The following TTC29 variants were observed in gnomAD, a reference collection of about 807,000 sequenced individuals.
The protein encoded by TTC29 is tetratricopeptide repeat domain 29, also known as tetratricopeptide repeat protein 29.
Under a neutral mutation model 58.1 loss-of-function variants are expected in TTC29, and 49 were observed. The ratio of observed to expected loss-of-function variants is 0.84; its 90% CI spans 0.67 to 1.07. TTC29 has a LOEUF of 1.07. Ranked by LOEUF, TTC29 falls within the 50% of genes least tolerant of loss-of-function variation. The pLI, the probability that TTC29 is intolerant of heterozygous loss-of-function variation, is 0.00. For missense variants in TTC29, 582 were observed against 555.6 expected (o/e 1.05, Z -0.48); for synonymous variants, 209 against 196.8 (o/e 1.06, Z -0.52).
At chr4:146,738,365 G>C (rs183549448) in intron 11 of TTC29, among the ~76,000 whole-genome samples, 13 of 152,156 alleles carry the variant, frequency 8.5e-5, no homozygotes, top group African/African-American at 2.9e-4. Flanking sequence ...GTATCTGAAG[G>C]GGGGAAGCTG....
At chr4:146,723,905 G>T (rs965717735) in intron 11 of TTC29, among the ~76,000 whole-genome samples, 2 of 152,084 alleles carry the variant, frequency 1.3e-5, no homozygotes, top group Non-Finnish European at 2.9e-5. Context: ...ATAAATTGTT[G>T]TACCAAAAGA....
At chr4:146,799,466 C>T (rs1451286500) in intron 11 of TTC29, among the ~76,000 whole-genome samples, 3 of 151,990 alleles carry the variant, frequency 2.0e-5, no homozygotes, top group African/African-American at 7.3e-5. Flanking sequence ...AGCCCAGGGA[C>T]CCACATTAAG....
At chr4:146,899,962 C>T (rs145502544) in intron 6 of TTC29, among the ~76,000 whole-genome samples, 42 of 152,324 alleles carry the variant, frequency 2.8e-4, no homozygotes, top group Admixed American at 1.2e-3. Flanking sequence ...GGCCTCCATT[C>T]GCTTGTCTGG....
In TTC29 at chr4:146,813,535, TTATTA is replaced by T. The variant is rs1379099115; in HGVS notation, c.1101+6585_1101+6589del. 5.9e-5 allele frequency among the ~76,000 whole-genome samples: 9 copies of T among 152,324 alleles called. No homozygotes were observed. The East Asian group carries it at 1.3e-3, about 23-fold the overall frequency. On this transcript the variant is annotated intron_variant, in intron 10 of 12. Coordinates refer to ENST00000325106, the MANE Select transcript of TTC29 (RefSeq NM_031956.4). ...AAAGGTAACTCCAATATTTTTCCAA[TTATTA>T]TAATTTTGGTCTTATAATATTTTTA...
chr4:146,908,126 T>C (rs1278994419), intron 5 of TTC29, among the ~76,000 whole-genome samples: 3 of 152,256 alleles, frequency 2.0e-5, no homozygotes, highest in Middle Eastern at 3.4e-3. Flanking sequence ...CATGGTACCA[T>C]TGGGTAACAA....
intron 4 of TTC29, among the ~76,000 whole-genome samples, chr4:146,935,805 A>G (rs1179518731): frequency 6.6e-6 from 1 of 152,206 alleles, no homozygotes; most frequent in Non-Finnish European, 1.5e-5. Flanking sequence ...TTGTTGATCA[A>G]TTTATCTTTT....
intron 4 of TTC29, among the ~76,000 whole-genome samples, chr4:146,913,655 G>C (rs1317770310): frequency 1.3e-5 from 2 of 152,138 alleles, no homozygotes; most frequent in African/African-American, 4.8e-5. Context: ...TTCTCTCGTA[G>C]TTCCTGCTAA....
chr4:146,772,903 G>A (rs1747838866), intron 11 of TTC29, among the ~76,000 whole-genome samples: 1 of 152,048 alleles, frequency 6.6e-6, no homozygotes, highest in African/African-American at 2.4e-5. Context: ...TCTTTGAGCA[G>A]TGTTTTGTAA....
chr4:146,938,525 T>C (rs1736061977), intron 3 of TTC29, among the ~76,000 whole-genome samples: 1 of 152,098 alleles, frequency 6.6e-6, no homozygotes, highest in Non-Finnish European at 1.5e-5. Flanking sequence ...AAGAATAAGC[T>C]TTTTCAGACT....
intron 2 of TTC29, among the ~76,000 whole-genome samples, chr4:146,941,880 A>C (rs1325891110): frequency 6.6e-6 from 1 of 152,136 alleles, no homozygotes; most frequent in Non-Finnish European, 1.5e-5. Context: ...GGGGAGAGAG[A>C]GTGGTGGCTT....
In TTC29 at chr4:146,874,842, G is replaced by C; in HGVS notation, c.673C>G (p.Leu225Val). 2 of 1,613,390 alleles carry C rather than the reference G, an allele frequency of 1.2e-6. No individual in the cohort carries two copies. Among genetic ancestry groups the C allele is most frequent in the Non-Finnish European group, 1.7e-6 (2 of 1,179,650 alleles). Residue 225 changes from leucine (L) to valine (V), a missense_variant, in exon 7 of 13, where the codon CTC (leucine) becomes GTC (valine). Coordinates refer to ENST00000325106, the MANE Select transcript of TTC29 (RefSeq NM_031956.4). Reference sequence around the variant, plus strand: ...AGACTCTCACAGGCCAACAAGTTGAGAGAGCGGCCTGTCTCATCCTTCCAT... The same window carrying C: ...AGACTCTCACAGGCCAACAAGTTGACAGAGCGGCCTGTCTCATCCTTCCAT... ...RIWKDETGRS[L>V]NLLACESLLR...
chr4:146,894,688 A>AAAATAAAT (rs34060136), intron 6 of TTC29, among the ~76,000 whole-genome samples: 1 of 150,170 alleles, frequency 6.7e-6, no homozygotes, highest in Non-Finnish European at 1.5e-5. Context: ...AATAAAAAAT[A>AAAATAAAT]AAATAAATAA....
At chr4:146,897,547 C>T (rs1732852494) in intron 6 of TTC29, among the ~76,000 whole-genome samples, 1 of 152,194 alleles carries the variant, frequency 6.6e-6, no homozygotes, top group Non-Finnish European at 1.5e-5. Context: ...CCCTGCTGAT[C>T]ATGCAGGGGA....
intron 11 of TTC29, among the ~76,000 whole-genome samples, chr4:146,763,610 T>C (rs1446793647): frequency 1.3e-5 from 2 of 152,170 alleles, no homozygotes; most frequent in Non-Finnish European, 2.9e-5. Flanking sequence ...CAGGTGTACT[T>C]ATCTAATAAT....
At chr4:146,875,680 T>TTAAGTTTAAG (rs1418666394) in intron 6 of TTC29, among the ~76,000 whole-genome samples, 5 of 152,154 alleles carry the variant, frequency 3.3e-5, no homozygotes, top group Admixed American at 6.5e-5. Flanking sequence ...CGCCTTAAAC[T>TTAAGTTTAAG]GCTTCTCAAA....
At chr4:146,761,095 G>T (rs892964099) in intron 11 of TTC29, among the ~76,000 whole-genome samples, 3 of 151,804 alleles carry the variant, frequency 2.0e-5, no homozygotes, top group Non-Finnish European at 1.5e-5. Context: ...GACTTTGGGG[G>T]AAGAGTGGGA....
At chr4:146,754,062 AAAAAT>A (rs1049243319) in intron 11 of TTC29, among the ~76,000 whole-genome samples, 14 of 152,042 alleles carry the variant, frequency 9.2e-5, no homozygotes, top group African/African-American at 2.7e-4. Context: ...AATAATACAA[AAAAAT>A]AAAATAAAAT....
chr4:146,752,395 TAA>T (rs1746077735), intron 11 of TTC29, among the ~76,000 whole-genome samples: 1 of 139,328 alleles, frequency 7.2e-6, no homozygotes, highest in Non-Finnish European at 1.5e-5. Flanking sequence ...CTCAATGAAA[TAA>T]AAGAGGATAC....
intron 11 of TTC29, among the ~76,000 whole-genome samples, chr4:146,763,028 C>T (rs777289491): frequency 1.3e-5 from 2 of 151,940 alleles, no homozygotes; most frequent in African/African-American, 2.4e-5. Context: ...AATAGTTCTG[C>T]CCACCTGTTT....
Sources: gnomAD v4.1 joint callset for allele counts (sites outside exome capture counted in the v4.1 genomes callset) on GRCh38, gnomAD v4.1.1 for gene constraint, MANE v1.5 for transcripts, NCBI Gene and HGNC (gene_info 2026-07-23, HGNC 2026-07-21) for gene names.